ZNF438: variants seen among roughly 807,000 people sequenced by gnomAD.
ZNF438 encodes zinc finger protein 438.
Under a neutral mutation model 38.0 loss-of-function variants are expected in ZNF438, and 25 were observed. That is an observed-to-expected ratio of 0.66 (90% CI 0.48 to 0.92). The LOEUF (loss-of-function observed/expected upper bound fraction) is 0.92. Among genes scored for constraint, ZNF438 ranks in the 40% least tolerant of loss-of-function variants. The pLI is 0.00. For synonymous variants in ZNF438, 372 were observed against 364.1 expected, an observed-to-expected ratio of 1.02 and a Z score of -0.25; for missense variants, 1,007 against 999.6, an observed-to-expected ratio of 1.01 and a Z score of -0.10.
intron 1 of ZNF438, among the ~76,000 whole-genome samples, chr10:30,991,135 T>G (rs1483833092): frequency 2.0e-5 from 3 of 152,198 alleles, no homozygotes; most frequent in Non-Finnish European, 4.4e-5. Flanking sequence ...CTGACTTATG[T>G]CTTAGTCTGT....
intron 1 of ZNF438, among the ~76,000 whole-genome samples, chr10:30,942,422 C>A (rs1170613348): frequency 6.6e-6 from 1 of 152,116 alleles, no homozygotes; most frequent in Non-Finnish European, 1.5e-5. Context: ...TTTGTTACTA[C>A]GGTAGTCAAG....
chr10:30,888,975 A>G (rs1410958391), intron 3 of ZNF438, among the ~76,000 whole-genome samples: 1 of 152,186 alleles, frequency 6.6e-6, no homozygotes, highest in African/African-American at 2.4e-5. Context: ...GACCAAACTA[A>G]TTTATACTCC....
chr10:30,922,246 T>C (rs2044382718), intron 2 of ZNF438, among the ~76,000 whole-genome samples: 1 of 152,202 alleles, frequency 6.6e-6, no homozygotes, highest in Non-Finnish European at 1.5e-5. Context: ...CAGTACCTTA[T>C]TGTATCCAGG....
At chr10:30,871,857 C>T (rs1237675626) in intron 4 of ZNF438, among the ~76,000 whole-genome samples, 1 of 152,192 alleles carries the variant, frequency 6.6e-6, no homozygotes, top group African/African-American at 2.4e-5. Flanking sequence ...GTCCAGCTAA[C>T]TGCAGTGGGT....
intron 3 of ZNF438, among the ~76,000 whole-genome samples, chr10:30,903,096 C>CG: frequency 6.6e-6 from 1 of 152,184 alleles, no homozygotes; most frequent in Non-Finnish European, 1.5e-5. Flanking sequence ...GCTCCCAGTG[C>CG]GGGGCCCGCC....
intron 1 of ZNF438, among the ~76,000 whole-genome samples, chr10:31,017,523 T>C (rs1267220156): frequency 6.6e-6 from 1 of 152,248 alleles, no homozygotes; most frequent in Non-Finnish European, 1.5e-5. Flanking sequence ...AAGGTCTGTT[T>C]GCCTCAGTCA....
chr10:30,949,318 A>G (rs1213103076), intron 1 of ZNF438, among the ~76,000 whole-genome samples: 9 of 152,002 alleles, frequency 5.9e-5, no homozygotes, highest in East Asian at 1.9e-4. Context: ...AAAGACCATC[A>G]AGACTACGAA....
chr10:30,852,857 A>G (rs1274921503), intron 4 of ZNF438, among the ~76,000 whole-genome samples: 2 of 152,232 alleles, frequency 1.3e-5, no homozygotes, highest in Admixed American at 6.5e-5. Flanking sequence ...ATCACTTGAC[A>G]ATAGTCATCT....
chr10:30,932,486 C>T lies in ZNF438; in HGVS notation c.-115+9089G>A, dbSNP rs551967683. Among the ~76,000 whole-genome samples the T allele has an allele frequency of 3.9e-5, 6 of 152,254 alleles. No homozygotes were observed. In the South Asian group the frequency reaches 1.2e-3, roughly 32 times the overall value. On this transcript the variant is annotated intron_variant, in intron 2 of 5. Coordinates refer to ENST00000413025, the Ensembl canonical transcript of ZNF438. ...AACTTATTTTGTCCTTACTGCAATC[C>T]TATAATAACCTTACAGGATTGTGCC...
intron 4 of ZNF438, among the ~76,000 whole-genome samples, chr10:30,862,359 TG>T (rs1405131194): frequency 6.6e-6 from 1 of 152,148 alleles, no homozygotes; most frequent in East Asian, 1.9e-4. Flanking sequence ...TGGAGGGCAA[TG>T]GTATGATCAT....
chr10:30,901,667 G>A (rs1478268104), intron 3 of ZNF438, among the ~76,000 whole-genome samples: 1 of 151,888 alleles, frequency 6.6e-6, no homozygotes, highest in Non-Finnish European at 1.5e-5. Context: ...TGGTCTCACC[G>A]CTCGGCGATA....
At chr10:30,944,896 T>G (rs2047205631) in intron 1 of ZNF438, among the ~76,000 whole-genome samples, 1 of 152,186 alleles carries the variant, frequency 6.6e-6, no homozygotes, top group Non-Finnish European at 1.5e-5. Flanking sequence ...TGGATCTCTA[T>G]TAATGTTTCC....
chr10:30,964,836 T>A (rs1328155328), intron 1 of ZNF438, among the ~76,000 whole-genome samples: 1 of 151,950 alleles, frequency 6.6e-6, no homozygotes, highest in Non-Finnish European at 1.5e-5. Flanking sequence ...AACAATGACC[T>A]CAAACTATAA....
chr10:30,986,654 T>C (rs1162548368), intron 1 of ZNF438, among the ~76,000 whole-genome samples: 1 of 152,204 alleles, frequency 6.6e-6, no homozygotes, highest in East Asian at 1.9e-4. Flanking sequence ...TTTAAAAATT[T>C]TGAAACATTT....
chr10:30,962,951 C>A (rs955741806), intron 1 of ZNF438, among the ~76,000 whole-genome samples: 2 of 152,088 alleles, frequency 1.3e-5, no homozygotes, highest in Non-Finnish European at 2.9e-5. Context: ...AGATGTTTGA[C>A]TCTAAAATGC....
chr10:30,993,049 C>T (rs559014736), intron 1 of ZNF438, among the ~76,000 whole-genome samples: 1 of 152,150 alleles, frequency 6.6e-6, no homozygotes, highest in Non-Finnish European at 1.5e-5. Context: ...AATTTATAAT[C>T]AAATGAAAAG....
chr10:30,946,077 T>C (rs2047374895), intron 1 of ZNF438, among the ~76,000 whole-genome samples: 1 of 149,936 alleles, frequency 6.7e-6, no homozygotes, highest in African/African-American at 2.5e-5. Context: ...GTTTCCTGAC[T>C]TTTTAATGAT....
At chr10:30,906,677 C>T (rs754644354) in intron 3 of ZNF438, among the ~76,000 whole-genome samples, 1 of 152,146 alleles carries the variant, frequency 6.6e-6, no homozygotes, top group Non-Finnish European at 1.5e-5. Context: ...AGTTTTTCAC[C>T]ATTAAGTATG....
At chr10:30,928,856 C>A (rs1337502007) in intron 2 of ZNF438, among the ~76,000 whole-genome samples, 1 of 152,162 alleles carries the variant, frequency 6.6e-6, no homozygotes, top group Non-Finnish European at 1.5e-5. Context: ...GGTCCTTTCA[C>A]AGACTTTCAG....
Sources: gnomAD v4.1 joint callset for allele counts (sites outside exome capture counted in the v4.1 genomes callset) on GRCh38, gnomAD v4.1.1 for gene constraint, MANE v1.5 for transcripts, NCBI Gene and HGNC (gene_info 2026-07-23, HGNC 2026-07-21) for gene names.